Variants in CSRNP3 observed in about 807,000 individuals in gnomAD.
CSRNP3 encodes cysteine/serine-rich nuclear protein 3.
Under a neutral mutation model 48.0 loss-of-function variants are expected in CSRNP3, and 12 were observed. The observed-to-expected ratio is 0.25, with a 90% CI of 0.16 to 0.41. The LOEUF is 0.41. Among genes scored for constraint, CSRNP3 ranks in the 10% least tolerant of loss-of-function variants. The pLI is 1.00. For synonymous variants in CSRNP3, 263 were observed against 269.7 expected (o/e 0.98, Z 0.24); for missense variants, 580 against 724.4 (o/e 0.80, Z 2.29).
chr2:165,665,489 G>T (rs184595590), intron 5 of CSRNP3, among the ~76,000 whole-genome samples: 1 of 152,132 alleles, frequency 6.6e-6, no homozygotes, highest in Non-Finnish European at 1.5e-5. Flanking sequence ...GGCCGGGCAG[G>T]GTGGCTCGCA....
At chr2:165,653,519 G>A (rs755105548) in intron 4 of CSRNP3, among the ~76,000 whole-genome samples, 1 of 152,098 alleles carries the variant, frequency 6.6e-6, no homozygotes, top group South Asian at 2.1e-4. Flanking sequence ...AGCTTTTAGG[G>A]AAAAGGTAAT....
intron 4 of CSRNP3, among the ~76,000 whole-genome samples, chr2:165,625,058 T>C (rs546672734): frequency 1.3e-5 from 2 of 152,308 alleles, no homozygotes; most frequent in Admixed American, 1.3e-4. Context: ...AATGTGACAG[T>C]CCAAGAGATC....
At chr2:165,548,498 A>T (rs1685058878) in intron 3 of CSRNP3, among the ~76,000 whole-genome samples, 1 of 152,110 alleles carries the variant, frequency 6.6e-6, no homozygotes. Flanking sequence ...TTTATCTTAC[A>T]GCTAGGTTTA....
intron 4 of CSRNP3, among the ~76,000 whole-genome samples, chr2:165,620,540 G>A (rs993609716): frequency 4.6e-5 from 7 of 152,068 alleles, no homozygotes; most frequent in Non-Finnish European, 8.8e-5. Flanking sequence ...GTCTAACAGG[G>A]CTGGAAAGGT....
chr2:165,671,040 C>G (rs536585579), intron 5 of CSRNP3, among the ~76,000 whole-genome samples: 1 of 152,112 alleles, frequency 6.6e-6, no homozygotes, highest in Non-Finnish European at 1.5e-5. Context: ...GTGTTTAATT[C>G]CATGTTAAAT....
At chr2:165,608,789 TA>T (rs34437387) in intron 4 of CSRNP3, among the ~76,000 whole-genome samples, 119,959 of 147,992 alleles carry the variant, frequency 0.81, 48,579 homozygotes, top group Non-Finnish European at 0.84. Context: ...GTAAAAAAAT[TA>T]AAAAAAAAAA....
At chr2:165,649,400 A>G (rs192614299) in intron 4 of CSRNP3, among the ~76,000 whole-genome samples, 1 of 152,328 alleles carries the variant, frequency 6.6e-6, no homozygotes, top group East Asian at 1.9e-4. Context: ...AGCTAAATGG[A>G]TATGCTACCT....
intron 3 of CSRNP3, among the ~76,000 whole-genome samples, chr2:165,590,292 AG>A (rs1200722636): frequency 6.6e-6 from 1 of 152,218 alleles, no homozygotes; most frequent in Non-Finnish European, 1.5e-5. Flanking sequence ...TCATGCAGAA[AG>A]ACATGGATTA....
intron 4 of CSRNP3, among the ~76,000 whole-genome samples, chr2:165,606,618 T>G (rs1391553418): frequency 6.6e-6 from 1 of 152,152 alleles, no homozygotes; most frequent in African/African-American, 2.4e-5. Flanking sequence ...GTGATTGAAT[T>G]ACTAAGGAAA....
rs59117817 is a variant in CSRNP3 at position 165,674,681 on chromosome 2, A to AATATATATATATATAT, written c.409-1613_409-1598dup. ...ATTCATATATATATAAATACTTCTG[A>AATATATATATATATAT]ATATATATATATATATATATATATA... On this transcript the variant is annotated intron_variant, in intron 5 of 6. Transcript: ENST00000651982. 5.2e-3 allele frequency among the ~76,000 whole-genome samples: 531 copies of AATATATATATATATAT among 103,086 alleles called. 8 individuals carry two copies. The highest frequency in any genetic ancestry group is 0.017 in the African/African-American group (354 of 21,378). The allele number at this position is 103,086 out of a possible 152,430, so 67.6% of individuals were successfully genotyped here.
intron 3 of CSRNP3, among the ~76,000 whole-genome samples, chr2:165,587,178 G>A (rs1027011073): frequency 3.3e-5 from 5 of 152,128 alleles, no homozygotes; most frequent in African/African-American, 1.2e-4. Context: ...TGTTAGTGAA[G>A]AATAACAGAT....
intron 3 of CSRNP3, among the ~76,000 whole-genome samples, chr2:165,554,590 T>C (rs560989794): frequency 1.6e-4 from 25 of 152,320 alleles, no homozygotes; most frequent in Admixed American, 2.6e-4. Flanking sequence ...GTGTCCTCTC[T>C]TTTTCCTCAC....
At chr2:165,524,203 G>A (rs1684702298) in intron 3 of CSRNP3, among the ~76,000 whole-genome samples, 1 of 152,104 alleles carries the variant, frequency 6.6e-6, no homozygotes, top group Non-Finnish European at 1.5e-5. Context: ...TCTGATAAAA[G>A]AGACAATTCA....
intron 3 of CSRNP3, among the ~76,000 whole-genome samples, chr2:165,531,211 A>G (rs1177129060): frequency 6.6e-6 from 1 of 152,188 alleles, no homozygotes; most frequent in South Asian, 2.1e-4. Flanking sequence ...TCTGAAATTC[A>G]GATAGAAGCC....
At chr2:165,594,676 A>G (rs1685779595) in intron 3 of CSRNP3, among the ~76,000 whole-genome samples, 1 of 152,172 alleles carries the variant, frequency 6.6e-6, no homozygotes, top group Non-Finnish European at 1.5e-5. Flanking sequence ...TTCCAGCTGA[A>G]TTTCATATAA....
At chr2:165,609,109 G>GAAAAAAAA in intron 4 of CSRNP3, among the ~76,000 whole-genome samples, 1 of 108,964 alleles carries the variant, frequency 9.2e-6, no homozygotes. Flanking sequence ...TCCGTCTCAA[G>GAAAAAAAA]AAAAAAAAAA....
chr2:165,565,778 T>G (rs553102901), intron 3 of CSRNP3, among the ~76,000 whole-genome samples: 143 of 152,156 alleles, frequency 9.4e-4, no homozygotes, highest in African/African-American at 3.1e-3. Context: ...GTTGTATGAT[T>G]AATAGAAAGC....
At chr2:165,492,691 C>G (rs1381382897) in intron 1 of CSRNP3, among the ~76,000 whole-genome samples, 1 of 147,484 alleles carries the variant, frequency 6.8e-6, no homozygotes, top group Admixed American at 6.8e-5. Context: ...ACTCCTTTCC[C>G]TAATAACACC....
chr2:165,599,972 G>T (rs1573908714), intron 4 of CSRNP3, among the ~76,000 whole-genome samples: 1 of 148,892 alleles, frequency 6.7e-6, no homozygotes, highest in Non-Finnish European at 1.5e-5. Context: ...TAGGGTACAT[G>T]TGCACAATGT....
Sources: allele counts gnomAD v4.1 joint callset (sites outside exome capture counted in the v4.1 genomes callset), GRCh38; gene constraint gnomAD v4.1.1; transcripts MANE v1.5; gene names NCBI Gene and HGNC (gene_info 2026-07-23, HGNC 2026-07-21).